The following CD53 variants were observed in gnomAD, a reference collection of about 807,000 sequenced individuals.
CD53 encodes leukocyte surface antigen CD53.
Under a neutral mutation model 27.3 loss-of-function variants are expected in CD53, and 20 were observed. The observed-to-expected ratio is 0.73, with a 90% CI of 0.52 to 1.07. The LOEUF (loss-of-function observed/expected upper bound fraction) is 1.07. CD53 is among the 50% of genes least tolerant of loss of function. The probability of loss-of-function intolerance (pLI) is 0.00; values close to 1 mark genes in which losing one functional copy is unlikely to be tolerated. For synonymous variants in CD53, 106 were observed against 105.3 expected (o/e 1.01, Z -0.04); for missense variants, 216 against 264.0 (o/e 0.82, Z 1.26).
At chr1:110,897,940 C>A in intron 7 of CD53, 48 bp downstream of exon 7, 1 of 1,087,744 alleles carries the variant, frequency 9.2e-7, no homozygotes, top group South Asian at 1.3e-5. Flanking sequence ...TGAGTTAAGT[C>A]AGGTAAGATT....
Position 110,891,421 on chromosome 1 carries a change from A to G in CD53, c.13A>G (p.Ser5Gly). 6.2e-7 allele frequency: 1 copy of G among 1,613,696 alleles called. No homozygotes were observed. The highest frequency in any genetic ancestry group is 8.5e-7 in the Non-Finnish European group (1 of 1,179,588). Reference sequence around the variant, plus strand: ...AGAATATCACGGCATGGGCATGAGTAGCTTGAAACTGCTGAAGTATGTCCT... The same window carrying G: ...AGAATATCACGGCATGGGCATGAGTGGCTTGAAACTGCTGAAGTATGTCCT... MGMS[S>G]LKLLKYVLFF... The change falls in exon 2 of 8, where the codon AGC becomes GGC. Residue 5 changes from serine to glycine, a missense_variant. By Grantham distance (56) the Ser-to-Gly change is moderately conservative. Coordinates refer to ENST00000271324, the MANE Select transcript of CD53 (RefSeq NM_000560.4).
At chr1:110,886,869 ATTT>A (rs71575170) in intron 1 of CD53, among the ~76,000 whole-genome samples, 9 of 82,786 alleles carry the variant, frequency 1.1e-4, no homozygotes, top group African/African-American at 4.3e-4. Flanking sequence ...ATATATATAT[ATTT>A]TTTTTTTCTG....
intron 1 of CD53, among the ~76,000 whole-genome samples, chr1:110,889,050 G>A (rs895813253): frequency 6.6e-6 from 1 of 152,118 alleles, no homozygotes; most frequent in East Asian, 1.9e-4. Context: ...AAGGGCAACA[G>A]GAAGGATTCT....
rs982165063 is a variant in CD53 at position 110,899,878 on chromosome 1, A to C, written c.*683A>C. On this transcript the variant is annotated 3_prime_UTR_variant, in exon 8 of 8. Coordinates refer to ENST00000271324, the MANE Select transcript of CD53 (RefSeq NM_000560.4). Reference sequence around the variant, plus strand: ...TCTCTCTATCAGATAAGATTTTGTTAATGTACTATTTTACTCTTCAATAAA... The same window carrying C: ...TCTCTCTATCAGATAAGATTTTGTTCATGTACTATTTTACTCTTCAATAAA... 2.0e-5 allele frequency: 3 copies of C among 148,802 alleles called. No individual in the cohort carries two copies. Among genetic ancestry groups the C allele is most frequent in the Non-Finnish European group, 3.0e-5 (2 of 67,032 alleles). The allele number at this position is 148,802 out of a possible 1,614,324, so 9.2% of individuals were successfully genotyped here.
intron 1 of CD53, among the ~76,000 whole-genome samples, chr1:110,886,598 C>G (rs893806612): frequency 5.9e-5 from 9 of 151,976 alleles, no homozygotes; most frequent in African/African-American, 2.2e-4. Context: ...CCTGTAATCC[C>G]AGCACTTTGG....
intron 1 of CD53, among the ~76,000 whole-genome samples, chr1:110,884,267 G>T (rs1242732981): frequency 6.6e-6 from 1 of 151,946 alleles, no homozygotes; most frequent in Non-Finnish European, 1.5e-5. Context: ...TTTCATCTAT[G>T]AACTATTTAG....
intron 3 of CD53, among the ~76,000 whole-genome samples, chr1:110,893,602 G>A (rs867542583): frequency 1.5e-4 from 23 of 152,342 alleles, no homozygotes; most frequent in Middle Eastern, 3.4e-3. Flanking sequence ...GATTATAGGC[G>A]TAAGCCACTG....
chr1:110,885,377 AAATACAAAAAATT>A (rs1656535771), intron 1 of CD53, among the ~76,000 whole-genome samples: 1 of 152,042 alleles, frequency 6.6e-6, no homozygotes, highest in South Asian at 2.1e-4. Context: ...TCTCTATTAA[AAATACAAAAAATT>A]AGCTGGACGT....
intron 1 of CD53, among the ~76,000 whole-genome samples, chr1:110,881,046 A>G (rs148905244): frequency 2.1e-4 from 32 of 152,360 alleles, no homozygotes; most frequent in Non-Finnish European, 4.0e-4. Flanking sequence ...TGCTTTGCTA[A>G]ATTTTAAAGT....
At chr1:110,881,678 G>C (rs187910067) in intron 1 of CD53, among the ~76,000 whole-genome samples, 1 of 152,154 alleles carries the variant, frequency 6.6e-6, no homozygotes, top group East Asian at 1.9e-4. Context: ...TGTACAAAAC[G>C]AGCAAACTGC....
At chr1:110,874,248 A>T (rs1408539815) in intron 1 of CD53, among the ~76,000 whole-genome samples, 1 of 152,196 alleles carries the variant, frequency 6.6e-6, no homozygotes, top group Non-Finnish European at 1.5e-5. Flanking sequence ...GGGGACGGGG[A>T]GAGGGCTCTG....
intron 1 of CD53, among the ~76,000 whole-genome samples, chr1:110,882,278 G>A (rs1570899357): frequency 1.3e-5 from 2 of 152,030 alleles, no homozygotes; most frequent in Admixed American, 6.6e-5. Context: ...ATGGAGAGAG[G>A]TATAAATGCA....
At chr1:110,873,080 T>C (rs1002698618), upstream of CD53, 1 of 152,578 alleles carries the variant, frequency 6.6e-6, no homozygotes, top group Non-Finnish European at 1.5e-5. Flanking sequence ...ACTTCCTCCT[T>C]CTTCTCATCT....
chr1:110,895,148 A>T, intron 5 of CD53, 93 bp downstream of exon 5: 1 of 912,128 alleles, frequency 1.1e-6, no homozygotes, highest in Admixed American at 1.8e-5. Context: ...GAAGTTTCAG[A>T]ATCTAAGGTC....
upstream of CD53, among the ~76,000 whole-genome samples, chr1:110,872,342 A>G (rs1409626546): frequency 6.6e-6 from 1 of 152,150 alleles, no homozygotes; most frequent in African/African-American, 2.4e-5. Context: ...AGCTTGGGCA[A>G]ATTTTCTAAC....
rs1488778699 is a variant in CD53, at chr1:110,899,903, A to G, written c.*708A>G. ...AATGTACTATTTTACTCTTCAATAAATAAAAGTTTATTATCTCAATCACAA... is the reference window on the plus strand; with the variant it reads ...AATGTACTATTTTACTCTTCAATAAGTAAAAGTTTATTATCTCAATCACAA... On this transcript the variant is annotated 3_prime_UTR_variant, in exon 8 of 8. Coordinates refer to ENST00000271324, the MANE Select transcript of CD53 (RefSeq NM_000560.4). 2 of 67,446 alleles carry G rather than the reference A, an allele frequency of 3.0e-5. No individual in the cohort carries two copies. The highest frequency in any genetic ancestry group is 6.9e-4 in the East Asian group (2 of 2,890). The allele number at this position is 67,446 out of a possible 1,614,324, so 4.2% of individuals were successfully genotyped here. A position where few individuals can be genotyped will look rare whatever the true frequency, so the allele number is the denominator to read the frequency against.
intron 1 of CD53, among the ~76,000 whole-genome samples, chr1:110,882,074 C>A (rs922611369): frequency 6.6e-6 from 1 of 152,130 alleles, no homozygotes; most frequent in African/African-American, 2.4e-5. Flanking sequence ...CTTGTCTTTT[C>A]ATTCTCTTAA....
intron 1 of CD53, among the ~76,000 whole-genome samples, chr1:110,890,021 T>C (rs1162374685): frequency 6.6e-6 from 1 of 152,180 alleles, no homozygotes; most frequent in African/African-American, 2.4e-5. Flanking sequence ...AAATTCACTT[T>C]ATTGTGGAAG....
intron 1 of CD53, among the ~76,000 whole-genome samples, chr1:110,887,607 C>G (rs1656679405): frequency 6.6e-6 from 1 of 152,146 alleles, no homozygotes; most frequent in Non-Finnish European, 1.5e-5. Flanking sequence ...ATCTTGGGCC[C>G]TTACTCTTAA....
Sources: gnomAD v4.1 joint callset for allele counts (sites outside exome capture counted in the v4.1 genomes callset) on GRCh38, gnomAD v4.1.1 for gene constraint, MANE v1.5 for transcripts, NCBI Gene and HGNC (gene_info 2026-07-23, HGNC 2026-07-21) for gene names.